Variants in SLC9B2 observed in about 807,000 individuals in gnomAD.
SLC9B2 encodes sodium/hydrogen exchanger 9B2.
In SLC9B2, 39 loss-of-function variants were observed where a neutral mutation model predicts 52.2. That is an observed-to-expected ratio of 0.75 (90% CI 0.58 to 0.98). SLC9B2 has a LOEUF of 0.98. SLC9B2 is among the 50% of genes least tolerant of loss of function. SLC9B2 has a pLI of 0.00. For missense variants in SLC9B2, 626 were observed against 637.5 expected, an observed-to-expected ratio of 0.98 and a Z score of 0.19; for synonymous variants, 214 against 227.0, an observed-to-expected ratio of 0.94 and a Z score of 0.51.
intron 9 of SLC9B2, among the ~76,000 whole-genome samples, chr4:103,039,330 C>T (rs140260337): frequency 6.6e-6 from 1 of 152,158 alleles, no homozygotes; most frequent in East Asian, 1.9e-4. Flanking sequence ...GTTATTTTAC[C>T]GAATCCTCCA....
At chr4:103,063,258 A>G (rs1283840788) in intron 3 of SLC9B2, among the ~76,000 whole-genome samples, 1 of 152,230 alleles carries the variant, frequency 6.6e-6, no homozygotes. Context: ...CAGCTAGTGT[A>G]TATTTTTGGA....
intron 3 of SLC9B2, among the ~76,000 whole-genome samples, chr4:103,059,828 G>C (rs1578473546): frequency 6.6e-6 from 1 of 152,200 alleles, no homozygotes; most frequent in East Asian, 1.9e-4. Flanking sequence ...TTTCTCAGGA[G>C]AATCTGTTAC....
intron 3 of SLC9B2, among the ~76,000 whole-genome samples, chr4:103,060,537 GTTTGT>G (rs1399093420): frequency 5.6e-4 from 54 of 97,276 alleles, no homozygotes; most frequent in East Asian, 1.2e-3. Flanking sequence ...TGTTTTTTTT[GTTTGT>G]TTTTTTTTTT....
chr4:103,046,759 G>GTCTCCACACATCTTTTGTGTGAAA (rs1335817124), intron 7 of SLC9B2, among the ~76,000 whole-genome samples: 1 of 151,374 alleles, frequency 6.6e-6, no homozygotes, highest in Non-Finnish European at 1.5e-5. Context: ...TTTGTGTGAA[G>GTCTCCACACATCTTTTGTGTGAAA]CCTGAACGTT....
chr4:103,059,354 G>A (rs919924607), intron 3 of SLC9B2, among the ~76,000 whole-genome samples: 34 of 152,218 alleles, frequency 2.2e-4, no homozygotes, highest in African/African-American at 7.9e-4. Context: ...ACAGAGAGCA[G>A]TTCCATCAAA....
chr4:103,063,229 C>G (rs1255830500), intron 3 of SLC9B2, among the ~76,000 whole-genome samples: 2 of 152,084 alleles, frequency 1.3e-5, no homozygotes, highest in African/African-American at 2.4e-5. Context: ...AAAAGGTATT[C>G]AATTATCTGT....
At chr4:103,042,172 T>C (rs576887537) in intron 9 of SLC9B2, 39 of 152,264 alleles carry the variant, frequency 2.6e-4, no homozygotes, top group African/African-American at 7.0e-4. Flanking sequence ...ATCCACTTAA[T>C]TGAGTTATGA....
Position 103,048,916 on chromosome 4 carries a change from T to A in SLC9B2, c.690A>T (p.Pro230=). ...ALLAHYLLGL[P]WQWGFILGFV... ...ACCCCAGTATAAATCCCCATTGCCA[T>A]GGTAAACCCAGCAGGTAATGGGCAA... is the stretch of plus-strand genomic sequence containing the variant. Residue 230 remains proline (P), a synonymous_variant, in exon 6 of 12, where the codon CCA becomes CCT. Coordinates refer to ENST00000394785, the MANE Select transcript of SLC9B2 (RefSeq NM_178833.7). 6.2e-7 allele frequency: 1 copy of A among 1,613,872 alleles called. No individual in the cohort carries two copies. Among genetic ancestry groups the A allele is most frequent in the Non-Finnish European group, 8.5e-7 (1 of 1,179,840 alleles).
chr4:103,020,240 A>G (rs939261548), downstream of SLC9B2: 20 of 405,220 alleles, frequency 4.9e-5, no homozygotes, highest in Non-Finnish European at 8.4e-5. Context: ...TTATCAGTAT[A>G]AAACCTTTGT....
At chr4:103,059,889 A>G (rs1745473954) in intron 3 of SLC9B2, among the ~76,000 whole-genome samples, 1 of 152,098 alleles carries the variant, frequency 6.6e-6, no homozygotes, top group African/African-American at 2.4e-5. Flanking sequence ...TCATTCTTAA[A>G]GGATAGTTTT....
Position 103,024,322 on chromosome 4 carries a change from A to G in SLC9B2, c.*2048T>C, listed in dbSNP as rs1223107972. ...CATTAAGTTTATGGTGCTCCCAGCA[A>G]AGTGCACCTAACCAATGAAGTTCAG... is the stretch of plus-strand genomic sequence containing the variant. On this transcript the variant is annotated 3_prime_UTR_variant, in exon 12 of 12. Coordinates refer to ENST00000394785, the MANE Select transcript of SLC9B2 (RefSeq NM_178833.7). Among the ~76,000 whole-genome samples, 2 of 152,196 alleles carry G rather than the reference A, an allele frequency of 1.3e-5. No homozygotes were observed. The highest frequency in any genetic ancestry group is 4.8e-5 in the African/African-American group (2 of 41,442).
At chr4:103,066,223 T>G in intron 3 of SLC9B2, 104 bp downstream of exon 3, 1 of 1,336,856 alleles carries the variant, frequency 7.5e-7, no homozygotes, top group South Asian at 1.4e-5. Flanking sequence ...AGTTTTTATG[T>G]TTGGGAGAAG....
At chr4:103,059,847 C>T (rs1745470717) in intron 3 of SLC9B2, among the ~76,000 whole-genome samples, 1 of 152,094 alleles carries the variant, frequency 6.6e-6, no homozygotes, top group African/African-American at 2.4e-5. Context: ...ACAGTAAATT[C>T]TTAGTTGTAT....
chr4:103,066,706 AT>A (rs570886024), intron 2 of SLC9B2, among the ~76,000 whole-genome samples, 199 bp from the exon 3 acceptor site: 327 of 152,264 alleles, frequency 2.1e-3, no homozygotes, highest in African/African-American at 7.4e-3. Flanking sequence ...CACAGTCACT[AT>A]TTTTAGTACA....
chr4:103,020,505 ATTCC>A (rs1252940878), downstream of SLC9B2: 1 of 316,386 alleles, frequency 3.2e-6, no homozygotes, highest in Non-Finnish European at 6.2e-6. Context: ...TGAACACTGT[ATTCC>A]TTTTTGCCTC....
rs545072965 is a variant in SLC9B2, at chr4:103,024,601, A to T, written c.*1769T>A. ...CAGATCAGCTTGGTGGGATTAGGAT[A>T]TTCATAATTCATTCATCTAATACAT... is the stretch of plus-strand genomic sequence containing the variant. On this transcript the variant is annotated 3_prime_UTR_variant, in exon 12 of 12. Transcript: ENST00000394785. Among the ~76,000 whole-genome samples the T allele has an allele frequency of 6.6e-6, 1 of 152,342 alleles. No homozygotes were observed. The highest frequency in any genetic ancestry group is 2.4e-5 in the African/African-American group (1 of 41,588).
At chr4:103,070,738 G>A (rs1402735041) in intron 1 of SLC9B2, among the ~76,000 whole-genome samples, 1 of 152,140 alleles carries the variant, frequency 6.6e-6, no homozygotes, top group Non-Finnish European at 1.5e-5. Context: ...ACCATGCCCG[G>A]CCCTTATTTC....
chr4:103,027,757 T>A (rs192778561), intron 11 of SLC9B2, among the ~76,000 whole-genome samples: 2 of 152,290 alleles, frequency 1.3e-5, no homozygotes, highest in East Asian at 3.8e-4. Flanking sequence ...GAGACCTTTT[T>A]ATAGAACTCT....
At chr4:103,055,936 T>C (rs1416690476) in intron 4 of SLC9B2, among the ~76,000 whole-genome samples, 1 of 151,426 alleles carries the variant, frequency 6.6e-6, no homozygotes, top group Non-Finnish European at 1.5e-5. Context: ...CCCGAGTAGC[T>C]GGGACTACAG....
Sources: gnomAD v4.1 joint callset for allele counts (sites outside exome capture counted in the v4.1 genomes callset) on GRCh38, gnomAD v4.1.1 for gene constraint, MANE v1.5 for transcripts, NCBI Gene and HGNC (gene_info 2026-07-23, HGNC 2026-07-21) for gene names.